The following CHD2 variants were observed in gnomAD, a reference collection of about 807,000 sequenced individuals.
CHD2 encodes the protein chromodomain helicase DNA binding protein 2.
In CHD2, 28 loss-of-function variants were observed where a neutral mutation model predicts 243.9. That is an observed-to-expected ratio of 0.11 (90% CI 0.09 to 0.16). CHD2 has a LOEUF of 0.16. Among genes scored for constraint, CHD2 ranks in the 10% least tolerant of loss-of-function variants. The pLI is 1.00. For missense variants in CHD2, 1,386 were observed against 2,209.8 expected (o/e 0.63, Z 7.47); for synonymous variants, 775 against 779.0 (o/e 0.99, Z 0.09).
At chr15:93,000,395 G>T in intron 31 of CHD2, 117 bp from the exon 32 acceptor site, 2 of 1,097,666 alleles carry the variant, frequency 1.8e-6, no homozygotes, top group Non-Finnish European at 2.5e-6. Context: ...GATTTCTTTG[G>T]AATTTTCTTG....
In CHD2 at chr15:92,945,775, C is replaced by T. The variant is rs528598542; in HGVS notation, c.1154-46C>T. ...TTCATAGAACCCAAAATCTTTCATT[C>T]TTCATTGTGTTTATAACTTTTCTGT... is the stretch of plus-strand genomic sequence containing the variant. On this transcript the variant is annotated intron_variant, in intron 10 of 38. Coordinates refer to ENST00000394196, the MANE Select transcript of CHD2 (RefSeq NM_001271.4). 6.7e-5 allele frequency: 85 copies of T among 1,259,440 alleles called. No homozygotes were observed. The South Asian group carries it at 1.0e-3, about 15-fold the overall frequency. The allele number at this position is 1,259,440 out of a possible 1,614,324, so 78.0% of individuals were successfully genotyped here. A position where few individuals can be genotyped will look rare whatever the true frequency, so the allele number is the denominator to read the frequency against.
chr15:93,007,453 T>C (rs1202745093), intron 34 of CHD2, among the ~76,000 whole-genome samples: 1 of 152,188 alleles, frequency 6.6e-6, no homozygotes, highest in Non-Finnish European at 1.5e-5. Flanking sequence ...CAGGTGTCTT[T>C]TAGTTTTTGG....
chr15:92,934,306 C>G (rs915791155), intron 5 of CHD2, among the ~76,000 whole-genome samples: 1 of 152,202 alleles, frequency 6.6e-6, no homozygotes, highest in African/African-American at 2.4e-5. Flanking sequence ...TGCATTTTGA[C>G]TTTTTCCATG....
intron 28 of CHD2, among the ~76,000 whole-genome samples, chr15:92,996,075 T>C (rs1049605453): frequency 2.6e-5 from 4 of 152,178 alleles, no homozygotes; most frequent in East Asian, 3.8e-4. Flanking sequence ...CATTATCTCA[T>C]GGATTTCAAG....
chr15:92,972,000 C>A (rs774274455), intron 18 of CHD2, 73 bp downstream of exon 18: 2 of 1,462,056 alleles, frequency 1.4e-6, no homozygotes, highest in Non-Finnish European at 1.9e-6. Flanking sequence ...TCAGAATGCT[C>A]TATTTCCTTG....
intron 28 of CHD2, among the ~76,000 whole-genome samples, chr15:92,995,645 C>G (rs1016997156): frequency 2.6e-5 from 4 of 151,962 alleles, no homozygotes; most frequent in Non-Finnish European, 5.9e-5. Context: ...TCAATTCACA[C>G]TTCCCCCCTA....
intron 13 of CHD2, among the ~76,000 whole-genome samples, chr15:92,952,504 C>T (rs1402811895): frequency 3.1e-4 from 47 of 152,308 alleles, no homozygotes; most frequent in Non-Finnish European, 5.9e-5. Context: ...GATCACCAGG[C>T]ATTAGGTTCT....
chr15:92,904,164 G>A (rs1166012133), intron 2 of CHD2, among the ~76,000 whole-genome samples: 1 of 152,204 alleles, frequency 6.6e-6, no homozygotes, highest in East Asian at 1.9e-4. Flanking sequence ...TTGAGCCCCT[G>A]GCATCTTGAT....
intron 22 of CHD2, among the ~76,000 whole-genome samples, chr15:92,980,076 G>A (rs993392487): frequency 2.0e-5 from 3 of 150,012 alleles, no homozygotes; most frequent in East Asian, 1.9e-4. Context: ...ATGGAGTCTC[G>A]CTCGGTCGCC....
chr15:93,014,585 C>T (rs1038514916), intron 36 of CHD2, 111 bp from the exon 37 acceptor site: 15 of 924,900 alleles, frequency 1.6e-5, no homozygotes, highest in Non-Finnish European at 2.5e-5. Context: ...AACGCCAGTT[C>T]AGAAGTTTAA....
intron 20 of CHD2, among the ~76,000 whole-genome samples, chr15:92,976,679 T>C (rs1055256747): frequency 2.0e-5 from 3 of 150,508 alleles, no homozygotes; most frequent in Non-Finnish European, 4.4e-5. Flanking sequence ...AGTTTCCCCA[T>C]GTTATTAAAG....
chr15:93,017,416 C>T (rs2054476696), intron 37 of CHD2, among the ~76,000 whole-genome samples: 1 of 151,828 alleles, frequency 6.6e-6, no homozygotes, highest in African/African-American at 2.4e-5. Context: ...ACCTCCACCT[C>T]CCGGGTTCAA....
At chr15:92,944,153 T>A (rs1028529662) in intron 9 of CHD2, 1 of 224,258 alleles carries the variant, frequency 4.5e-6, no homozygotes, top group Non-Finnish European at 8.8e-6. Context: ...TTTTTGGGTC[T>A]CTTTTTAGAC....
intron 2 of CHD2, among the ~76,000 whole-genome samples, chr15:92,914,749 T>A (rs1052946074): frequency 1.3e-5 from 2 of 152,334 alleles, no homozygotes; most frequent in Admixed American, 6.5e-5. Context: ...AGTATAAAGA[T>A]CTAATTGGAT....
rs150243952 is a variant in CHD2, at chr15:93,005,567, A to G, written c.4413+816A>G. Among the ~76,000 whole-genome samples the G allele has an allele frequency of 6.8e-3, 1,038 of 152,286 alleles. 8 individuals are homozygous for G. The highest frequency in any genetic ancestry group is 0.044 in the Middle Eastern group (13 of 294). On this transcript the variant is annotated intron_variant, in intron 34 of 38. Coordinates refer to ENST00000394196, the MANE Select transcript of CHD2 (RefSeq NM_001271.4). ...AAGCGGTTTTCTTTCAAATTTGAAA[A>G]TACTTCCATCCTGTGGCAGCAAAGG...
intron 28 of CHD2, among the ~76,000 whole-genome samples, chr15:92,996,381 C>G (rs779220166): frequency 2.0e-5 from 3 of 151,866 alleles, no homozygotes; most frequent in Non-Finnish European, 4.4e-5. Flanking sequence ...AGTATGGTCT[C>G]GATCTCCTGA....
chr15:93,010,804 A>G (rs2054383452), intron 35 of CHD2, among the ~76,000 whole-genome samples: 1 of 152,208 alleles, frequency 6.6e-6, no homozygotes, highest in Non-Finnish European at 1.5e-5. Context: ...ATTTTATTTT[A>G]GACTCAGAGG....
At chr15:92,988,428 C>G (rs1019435634) in intron 26 of CHD2, among the ~76,000 whole-genome samples, 6 of 152,094 alleles carry the variant, frequency 3.9e-5, no homozygotes, top group Non-Finnish European at 8.8e-5. Flanking sequence ...AAAAGAGTTA[C>G]AAAAATGCAT....
chr15:92,932,819 G>A (rs556289458), intron 5 of CHD2, among the ~76,000 whole-genome samples: 4 of 82,760 alleles, frequency 4.8e-5, no homozygotes, highest in Non-Finnish European at 8.2e-5. Context: ...GTACGATGGC[G>A]CAATCTCAGC....
Sources: gnomAD v4.1 joint callset for allele counts (sites outside exome capture counted in the v4.1 genomes callset) on GRCh38, gnomAD v4.1.1 for gene constraint, MANE v1.5 for transcripts, NCBI Gene and HGNC (gene_info 2026-07-23, HGNC 2026-07-21) for gene names.